Variants in ATAD2B observed in about 807,000 individuals in gnomAD.
ATAD2B encodes the protein ATPase family AAA domain-containing protein 2B.
Under a neutral mutation model 167.6 loss-of-function variants are expected in ATAD2B, and 40 were observed. That is an observed-to-expected ratio of 0.24 (90% CI 0.19 to 0.31). The LOEUF (loss-of-function observed/expected upper bound fraction) is 0.31, where lower values mean the gene tolerates loss of function less well. Ranked by LOEUF, ATAD2B falls within the 10% of genes least tolerant of loss-of-function variation. The pLI is 1.00. For synonymous variants in ATAD2B, 579 were observed against 596.5 expected, an observed-to-expected ratio of 0.97 and a Z score of 0.43; for missense variants, 1,242 against 1,757.2, an observed-to-expected ratio of 0.71 and a Z score of 5.24.
chr2:23,693,052 G>A, the ATAD2B span, among the ~76,000 whole-genome samples: 1 of 152,154 alleles, frequency 6.6e-6, no homozygotes, highest in Non-Finnish European at 1.5e-5. Context: ...ACAGAGGGAG[G>A]CCCCTGGGAG....
downstream of ATAD2B, among the ~76,000 whole-genome samples, chr2:23,746,338 G>A (rs1427054014): frequency 3.3e-5 from 5 of 152,132 alleles, no homozygotes; most frequent in African/African-American, 1.2e-4. Context: ...GTAAAATGGG[G>A]ATAATAATAG....
chr2:23,774,873 C>A (rs1189579504), intron 22 of ATAD2B, among the ~76,000 whole-genome samples: 2 of 152,082 alleles, frequency 1.3e-5, no homozygotes, highest in East Asian at 3.9e-4. Context: ...GTGCTCCAGC[C>A]TGGGCAACAA....
the ATAD2B span, among the ~76,000 whole-genome samples, chr2:23,722,172 A>G: frequency 6.6e-6 from 1 of 152,232 alleles, no homozygotes; most frequent in Non-Finnish European, 1.5e-5. Context: ...AGAAATCAGC[A>G]TAAGGACACA....
At chr2:23,908,912 C>G (rs560496127) in intron 1 of ATAD2B, among the ~76,000 whole-genome samples, 4 of 144,908 alleles carry the variant, frequency 2.8e-5, no homozygotes, top group African/African-American at 1.0e-4. Context: ...ACCGCATATT[C>G]TCACTCATAG....
intron 1 of ATAD2B, among the ~76,000 whole-genome samples, chr2:23,897,116 C>T (rs907724540): frequency 1.3e-5 from 2 of 152,048 alleles, no homozygotes; most frequent in African/African-American, 2.4e-5. Context: ...AGCGAGACTC[C>T]GTCTCAAAAA....
chr2:23,853,186 G>C (rs1043109989), intron 13 of ATAD2B, among the ~76,000 whole-genome samples: 13 of 152,202 alleles, frequency 8.5e-5, no homozygotes, highest in Non-Finnish European at 1.3e-4. Flanking sequence ...GAAGGAAACA[G>C]GCAGTGATTT....
intron 6 of ATAD2B, among the ~76,000 whole-genome samples, chr2:23,883,988 A>T (rs1698331227): frequency 6.6e-6 from 1 of 152,130 alleles, no homozygotes; most frequent in Admixed American, 6.5e-5. Context: ...TACTAAAAAT[A>T]CAAAAATTAG....
intron 12 of ATAD2B, among the ~76,000 whole-genome samples, chr2:23,862,194 C>CAA (rs762916583): frequency 2.6e-5 from 3 of 114,548 alleles, no homozygotes; most frequent in African/African-American, 6.5e-5. Context: ...GTGACCCTTT[C>CAA]AAAAAAAAAA....
chr2:23,848,618 C>T (rs575141748), intron 13 of ATAD2B, among the ~76,000 whole-genome samples: 23 of 152,198 alleles, frequency 1.5e-4, no homozygotes, highest in African/African-American at 5.3e-4. Context: ...AAGACATATA[C>T]CATAAACCCT....
At chr2:23,770,694 T>C (rs1018019388) in intron 22 of ATAD2B, among the ~76,000 whole-genome samples, 10 of 152,244 alleles carry the variant, frequency 6.6e-5, no homozygotes, top group African/African-American at 2.4e-4. Flanking sequence ...CCTATTCCAT[T>C]GACCTATTTG....
chr2:23,708,673 C>A, the ATAD2B span: 19 of 152,308 alleles, frequency 1.2e-4, no homozygotes, highest in African/African-American at 3.6e-4. Context: ...TGTTCTACCC[C>A]TCATACATCA....
At chr2:23,882,588 C>G (rs1221929286) in intron 6 of ATAD2B, among the ~76,000 whole-genome samples, 1 of 149,288 alleles carries the variant, frequency 6.7e-6, no homozygotes, top group East Asian at 2.0e-4. Context: ...GTGGGAGGAT[C>G]ACGAGGTCAG....
chr2:23,798,412 G>T, intron 18 of ATAD2B, 89 bp from the exon 19 acceptor site: 1 of 1,002,044 alleles, frequency 1.0e-6, no homozygotes, highest in Middle Eastern at 2.2e-4. Flanking sequence ...AAATATGTCA[G>T]GCCTATTATG....
downstream of ATAD2B, among the ~76,000 whole-genome samples, chr2:23,745,422 A>AGGAAGGAAGGAAGG (rs1674810265): frequency 1.2e-5 from 1 of 85,012 alleles, no homozygotes; most frequent in African/African-American, 5.3e-5. Context: ...GGAAGGAAGG[A>AGGAAGGAAGGAAGG]AAGGGAAGGG....
At position 23,823,643 on chromosome 2, in the gene ATAD2B, C is replaced by T. The variant is rs1046942778; in HGVS notation, c.1820-74G>A. ...GCACCAACTATGTTTTGTAAATATA[C>T]ACATCTTTAGCTAAAGTCATAATCA... On this transcript the variant is annotated intron_variant, in intron 15 of 27. Coordinates refer to ENST00000238789, the MANE Select transcript of ATAD2B (RefSeq NM_017552.4). 9 of 1,329,984 alleles carry T rather than the reference C, an allele frequency of 6.8e-6. No individual in the cohort carries two copies. In the South Asian group the frequency reaches 1.1e-4, roughly 16 times the overall value. 82.4% of individuals were successfully genotyped at this position (1,329,984 alleles called of 1,614,324 possible).
chr2:23,711,663 G>A, the ATAD2B span, among the ~76,000 whole-genome samples: 15,468 of 152,058 alleles, frequency 0.1, 872 homozygotes, highest in Middle Eastern at 0.17. Flanking sequence ...GAGCCACTGC[G>A]CCTGGCCCTT....
In ATAD2B at chr2:23,844,555, T is replaced by C. The variant is rs533773042; in HGVS notation, c.1569-10477A>G. Among the ~76,000 whole-genome samples, 7 of 152,338 alleles carry C rather than the reference T, an allele frequency of 4.6e-5. No individual in the cohort carries two copies. In the East Asian group the frequency reaches 1.2e-3, roughly 25 times the overall value. ...ATATTCCAGATATTGAAAAGTTCTATATGTATATGTATAGATGAAAACAAA... is the reference window on the plus strand; with the variant it reads ...ATATTCCAGATATTGAAAAGTTCTACATGTATATGTATAGATGAAAACAAA... On this transcript the variant is annotated intron_variant, in intron 13 of 27. Transcript: ENST00000238789.
At chr2:23,918,949 A>C (rs150310379) in intron 1 of ATAD2B, among the ~76,000 whole-genome samples, 64 of 152,360 alleles carry the variant, frequency 4.2e-4, no homozygotes, top group African/African-American at 1.5e-3. Flanking sequence ...ATTGAATGAG[A>C]CAGCATTAAA....
chr2:23,851,671 G>C (rs142220890), intron 13 of ATAD2B, among the ~76,000 whole-genome samples: 136 of 152,114 alleles, frequency 8.9e-4, no homozygotes, highest in African/African-American at 3.2e-3. Context: ...ACATTCTATG[G>C]GTTTGGACAA....
Sources: allele counts gnomAD v4.1 joint callset (sites outside exome capture counted in the v4.1 genomes callset), GRCh38; gene constraint gnomAD v4.1.1; transcripts MANE v1.5; gene names NCBI Gene and HGNC (gene_info 2026-07-23, HGNC 2026-07-21).